Variants in SPATA16 observed in about 807,000 individuals in gnomAD.
SPATA16 encodes spermatogenesis associated 16.
SPATA16 carries 36 observed loss-of-function variants against 63.3 expected under a neutral mutation model. That is an observed-to-expected ratio of 0.57 (90% CI 0.44 to 0.75). The LOEUF is 0.75. Ranked by LOEUF, SPATA16 falls within the 30% of genes least tolerant of loss-of-function variation. The probability of loss-of-function intolerance (pLI) is 0.00; values close to 1 mark genes in which losing one functional copy is unlikely to be tolerated. For synonymous variants in SPATA16, 203 were observed against 216.7 expected (o/e 0.94, Z 0.56); for missense variants, 646 against 679.3 (o/e 0.95, Z 0.54).
At chr3:173,007,702 G>A (rs2108269489) in intron 4 of SPATA16, among the ~76,000 whole-genome samples, 1 of 151,878 alleles carries the variant, frequency 6.6e-6, no homozygotes, top group South Asian at 2.1e-4. Flanking sequence ...AAAATGAAAA[G>A]GAGAAGAGAC....
intron 6 of SPATA16, among the ~76,000 whole-genome samples, chr3:172,955,043 A>C (rs1218135807): frequency 6.6e-6 from 1 of 152,228 alleles, no homozygotes. Context: ...AAGATTCTTT[A>C]GCATGAATCG....
chr3:173,123,678 A>G (rs1014488572), intron 1 of SPATA16, among the ~76,000 whole-genome samples: 4 of 147,346 alleles, frequency 2.7e-5, no homozygotes, highest in Non-Finnish European at 5.9e-5. Context: ...ATCTCAGCTC[A>G]CTGCAAACTC....
intron 2 of SPATA16, among the ~76,000 whole-genome samples, chr3:173,067,814 A>C (rs1453145745): frequency 6.6e-6 from 1 of 152,200 alleles, no homozygotes; most frequent in African/African-American, 2.4e-5. Context: ...GTATATAGTA[A>C]TCAAACTCTC....
chr3:172,991,168 G>A (rs1311916877), intron 4 of SPATA16, among the ~76,000 whole-genome samples: 3 of 151,950 alleles, frequency 2.0e-5, no homozygotes, highest in African/African-American at 2.4e-5. Flanking sequence ...TAGATGTCAC[G>A]GTTTCAATGA....
intron 4 of SPATA16, among the ~76,000 whole-genome samples, 186 bp from the exon 5 acceptor site, chr3:172,977,238 G>A (rs1159964499): frequency 6.6e-6 from 1 of 151,066 alleles, no homozygotes; most frequent in East Asian, 1.9e-4. Context: ...TTTTGGGGAG[G>A]TAGATAAACC....
chr3:173,039,551 ATT>A (rs1183165748), intron 3 of SPATA16, among the ~76,000 whole-genome samples: 5 of 152,264 alleles, frequency 3.3e-5, no homozygotes, highest in Admixed American at 1.3e-4. Context: ...ATGCTCATAT[ATT>A]GTTTCCTCAT....
chr3:173,103,683 C>T lies in SPATA16; in HGVS notation c.612+13437G>A, dbSNP rs570490706. Reference sequence around the variant, plus strand: ...ATTATTTCCTCCAGGGCCTCAAGGCCTGTGATAGGAGGGGCTGCTACAAAG... The same window carrying T: ...ATTATTTCCTCCAGGGCCTCAAGGCTTGTGATAGGAGGGGCTGCTACAAAG... On this transcript the variant is annotated intron_variant, in intron 2 of 10. Transcript: ENST00000351008. Among the ~76,000 whole-genome samples the T allele has an allele frequency of 3.3e-5, 5 of 152,320 alleles. No homozygotes were observed. In the South Asian group the frequency reaches 6.2e-4, roughly 19 times the overall value.
At chr3:173,103,764 C>A (rs1042406074) in intron 2 of SPATA16, among the ~76,000 whole-genome samples, 2 of 152,234 alleles carry the variant, frequency 1.3e-5, no homozygotes, top group Non-Finnish European at 2.9e-5. Flanking sequence ...CAGCACCTAG[C>A]TACATTTTAG....
chr3:173,114,729 CG>C (rs1268430375), intron 2 of SPATA16, among the ~76,000 whole-genome samples: 6 of 152,102 alleles, frequency 3.9e-5, no homozygotes, highest in African/African-American at 1.4e-4. Context: ...TGGCTTCTGC[CG>C]TCCATCCTAT....
intron 3 of SPATA16, among the ~76,000 whole-genome samples, chr3:173,034,004 T>C (rs994917471): frequency 6.6e-6 from 1 of 152,072 alleles, no homozygotes; most frequent in Non-Finnish European, 1.5e-5. Flanking sequence ...CGCGCCTGGC[T>C]GAGATGTATT....
chr3:172,897,121 G>A (rs1732025173), intron 10 of SPATA16, among the ~76,000 whole-genome samples: 1 of 152,098 alleles, frequency 6.6e-6, no homozygotes, highest in African/African-American at 2.4e-5. Flanking sequence ...TGTATGAAGT[G>A]TAAGGATTAG....
intron 4 of SPATA16, among the ~76,000 whole-genome samples, chr3:173,005,977 A>C (rs891108711): frequency 3.3e-5 from 5 of 152,218 alleles, no homozygotes; most frequent in African/African-American, 1.2e-4. Flanking sequence ...AAAAGAGAAG[A>C]GATGACTATA....
At chr3:172,958,542 G>C (rs1028441527) in intron 5 of SPATA16, among the ~76,000 whole-genome samples, 4 of 152,172 alleles carry the variant, frequency 2.6e-5, no homozygotes, top group South Asian at 2.1e-4. Context: ...CTAAGGTCAT[G>C]GCTGACTTTA....
intron 2 of SPATA16, among the ~76,000 whole-genome samples, chr3:173,090,475 CT>C (rs1187231135): frequency 6.6e-6 from 1 of 152,144 alleles, no homozygotes; most frequent in Non-Finnish European, 1.5e-5. Flanking sequence ...ATGCTAAAGT[CT>C]TACATTTATG....
chr3:172,965,880 CT>C (rs1733909024), intron 5 of SPATA16, among the ~76,000 whole-genome samples: 1 of 152,100 alleles, frequency 6.6e-6, no homozygotes, highest in Non-Finnish European at 1.5e-5. Flanking sequence ...CCGGCCTTTT[CT>C]TTATTATTTC....
chr3:172,980,985 C>T (rs1386289072), intron 4 of SPATA16, among the ~76,000 whole-genome samples: 1 of 152,168 alleles, frequency 6.6e-6, no homozygotes, highest in Non-Finnish European at 1.5e-5. Flanking sequence ...TGAAACTGCT[C>T]TTGTCAGTAC....
At chr3:173,044,236 A>G (rs1735907906) in intron 3 of SPATA16, among the ~76,000 whole-genome samples, 1 of 152,058 alleles carries the variant, frequency 6.6e-6, no homozygotes, top group Non-Finnish European at 1.5e-5. Flanking sequence ...TCTTGTTACT[A>G]TCCCTGAGGA....
At chr3:173,049,771 A>T (rs1464709639) in intron 2 of SPATA16, among the ~76,000 whole-genome samples, 3 of 152,144 alleles carry the variant, frequency 2.0e-5, no homozygotes, top group Admixed American at 6.5e-5. Context: ...GGCATCATAG[A>T]TAAACTGTAG....
At chr3:173,120,102 G>A (rs375967134) in intron 1 of SPATA16, among the ~76,000 whole-genome samples, 18 of 149,550 alleles carry the variant, frequency 1.2e-4, no homozygotes, top group African/African-American at 4.5e-4. Context: ...AAAAAAAAAA[G>A]AGAGAGAAAA....
Sources: gnomAD v4.1 joint callset for allele counts (sites outside exome capture counted in the v4.1 genomes callset) on GRCh38, gnomAD v4.1.1 for gene constraint, MANE v1.5 for transcripts, NCBI Gene and HGNC (gene_info 2026-07-23, HGNC 2026-07-21) for gene names.